PCDHGA2: variants seen among roughly 807,000 people sequenced by gnomAD.
PCDHGA2 encodes protocadherin gamma-A2.
PCDHGA2 carries 40 observed loss-of-function variants against 59.2 expected under a neutral mutation model. The observed-to-expected ratio is 0.68, with a 90% CI of 0.52 to 0.88. PCDHGA2 has a LOEUF of 0.88. PCDHGA2 is among the 40% of genes least tolerant of loss of function. The probability of loss-of-function intolerance (pLI) is 0.00; values close to 1 mark genes in which losing one functional copy is unlikely to be tolerated. For missense variants in PCDHGA2, 1,226 were observed against 1,204.0 expected, an observed-to-expected ratio of 1.02 and a Z score of -0.27; for synonymous variants, 560 against 526.0, an observed-to-expected ratio of 1.06 and a Z score of -0.89.
rs17097211 is a variant in PCDHGA2 at position 141,423,498 on chromosome 5, G to A, written c.2425-71309G>A. 9.4e-4 allele frequency: 1,510 copies of A among 1,613,948 alleles called. 9 individuals are homozygous for A. In the African/African-American group the frequency reaches 0.016, roughly 17 times the overall value. ...CTTTCCTGCAAACCTATTCCCACGA[G>A]GTCTCTCTCATTGCGGACTCGCAGA... On this transcript the variant is annotated intron_variant, in intron 1 of 3. Transcript: ENST00000394576.
chr5:141,430,881 A>G, intron 1 of PCDHGA2: 4 of 1,600,896 alleles, frequency 2.5e-6, no homozygotes, highest in Non-Finnish European at 3.4e-6. Flanking sequence ...GAGCTGGAGA[A>G]AGGCTCTAGG....
At chr5:141,414,242 T>C (rs1412230684) in intron 1 of PCDHGA2, 1 of 1,613,538 alleles carries the variant, frequency 6.2e-7, no homozygotes, top group Admixed American at 1.7e-5. Flanking sequence ...ATCACGTCTC[T>C]ATTTAGTCCA....
chr5:141,370,467 T>C lies in PCDHGA2; in HGVS notation c.2424+29072T>C, dbSNP rs563836197. 3.3e-5 allele frequency: 53 copies of C among 1,613,232 alleles called. 2 individuals are homozygous for C. In the South Asian group the frequency reaches 4.4e-4, roughly 13 times the overall value. On this transcript the variant is annotated intron_variant, in intron 1 of 3. Transcript: ENST00000394576. ...GCTATTTCTCTTCCTGCTCTCTTTG[T>C]TAGACCAGGCTCTCTCCGAACCGAT...
chr5:141,373,678 A>G (rs4151698), intron 1 of PCDHGA2, among the ~76,000 whole-genome samples: 17,665 of 152,222 alleles, frequency 0.12, 1,184 homozygotes, highest in African/African-American at 0.18. Flanking sequence ...TGAATGGTAA[A>G]CTTCAGAGAA....
intron 2 of PCDHGA2, among the ~76,000 whole-genome samples, chr5:141,495,296 T>TCCTCCAGAG (rs998633800): frequency 1.3e-5 from 2 of 152,054 alleles, no homozygotes; most frequent in Non-Finnish European, 2.9e-5. Flanking sequence ...ACTCAGCGCC[T>TCCTCCAGAG]CCTCCAGAGC....
intron 1 of PCDHGA2, among the ~76,000 whole-genome samples, chr5:141,443,560 G>A (rs2098394386): frequency 6.6e-6 from 1 of 152,162 alleles, no homozygotes; most frequent in Non-Finnish European, 1.5e-5. Context: ...CAATTCAAAT[G>A]CTTTAAATGG....
Position 141,399,593 on chromosome 5 carries a change from C to A in PCDHGA2, c.2424+58198C>A, listed in dbSNP as rs201515317. 170 of 1,613,988 alleles carry A rather than the reference C, an allele frequency of 1.1e-4. 1 individual carries two copies. The African/African-American group carries it at 1.5e-3, about 14-fold the overall frequency. On this transcript the variant is annotated intron_variant, in intron 1 of 3. Coordinates refer to ENST00000394576, the MANE Select transcript of PCDHGA2 (RefSeq NM_018915.4). Reference sequence around the variant, plus strand: ...GGCCAAGTCTCCTACTCTATCATGGCCAGCGACCTAGAGCCTCTGGCACTG... The same window carrying A: ...GGCCAAGTCTCCTACTCTATCATGGACAGCGACCTAGAGCCTCTGGCACTG...
intron 1 of PCDHGA2, chr5:141,341,652 A>G (rs1277993862): frequency 4.4e-6 from 3 of 676,578 alleles, no homozygotes; most frequent in Non-Finnish European, 7.2e-6. Context: ...CTGCATTAGG[A>G]ACTAGGGTGT....
At chr5:141,463,532 T>G (rs1237301892) in intron 1 of PCDHGA2, among the ~76,000 whole-genome samples, 1 of 133,692 alleles carries the variant, frequency 7.5e-6, no homozygotes, top group African/African-American at 2.8e-5. Flanking sequence ...TACTAGAAAC[T>G]CCGGCTCCCG....
chr5:141,448,211 T>TA (rs2098575794), intron 1 of PCDHGA2, among the ~76,000 whole-genome samples: 1 of 152,212 alleles, frequency 6.6e-6, no homozygotes, highest in East Asian at 1.9e-4. Flanking sequence ...TTTCTGTGTG[T>TA]ATGCGAATGT....
At chr5:141,392,925 G>A (rs1230996735) in intron 1 of PCDHGA2, 22 of 1,613,946 alleles carry the variant, frequency 1.4e-5, no homozygotes, top group Non-Finnish European at 1.9e-5. Flanking sequence ...TGTGCCAGAA[G>A]AGACGGACAA....
chr5:141,492,106 C>T (rs1265796740), intron 1 of PCDHGA2, among the ~76,000 whole-genome samples: 2 of 152,238 alleles, frequency 1.3e-5, no homozygotes, highest in South Asian at 2.1e-4. Flanking sequence ...TGTAGATTTC[C>T]TCTTCGATTT....
intron 1 of PCDHGA2, among the ~76,000 whole-genome samples, chr5:141,454,261 A>T (rs183133499): frequency 1.3e-5 from 2 of 152,364 alleles, no homozygotes; most frequent in South Asian, 2.1e-4. Flanking sequence ...CAGAGAAAGT[A>T]ATGCCAGCAA....
In PCDHGA2 at chr5:141,383,648, C is replaced by T. The variant is rs781494472; in HGVS notation, c.2424+42253C>T. 2.5e-6 allele frequency: 4 copies of T among 1,614,034 alleles called. No individual in the cohort carries two copies. The Admixed American group carries it at 6.7e-5, about 27-fold the overall frequency. On this transcript the variant is annotated intron_variant, in intron 1 of 3. Transcript: ENST00000394576. Reference sequence around the variant, plus strand: ...TTCTCTCTGCCTCAGTACCAAGTAACTGTCCCCGAGAATGTGCCAGTGGGT... The same window carrying T: ...TTCTCTCTGCCTCAGTACCAAGTAATTGTCCCCGAGAATGTGCCAGTGGGT...
chr5:141,400,507 A>G (rs1158150708), intron 1 of PCDHGA2: 1 of 1,613,864 alleles, frequency 6.2e-7, no homozygotes, highest in Non-Finnish European at 8.5e-7. Context: ...CAGCGAGTCG[A>G]CTTCCCATCC....
rs760509503 is a variant in PCDHGA2 at position 141,432,756 on chromosome 5, A to T, written c.2425-62051A>T. The T allele has an allele frequency of 5.6e-6, 9 of 1,613,958 alleles. No homozygotes were observed. Among genetic ancestry groups the T allele is most frequent in the Non-Finnish European group, 7.6e-6 (9 of 1,179,994 alleles). On this transcript the variant is annotated intron_variant, in intron 1 of 3. Transcript: ENST00000394576. This position sits in a 1 kb window ranked among gnomAD's most constrained non-coding sequence, Gnocchi z 6.0. ...GTCACGCTCACCGTGGCCGTGGCCG[A>T]CAGCATCCCCCAAGTCCTGGCGGAC...
At chr5:141,371,875 G>A in intron 1 of PCDHGA2, 1 of 1,613,506 alleles carries the variant, frequency 6.2e-7, no homozygotes, top group Non-Finnish European at 8.5e-7. Flanking sequence ...ATCGTGGCCA[G>A]TGACCTGGAG....
chr5:141,442,457 T>G (rs1209684998), intron 1 of PCDHGA2: 1 of 152,268 alleles, frequency 6.6e-6, no homozygotes, highest in African/African-American at 2.4e-5. Context: ...AATAGCAGTT[T>G]CACTGCAGAA....
At chr5:141,500,182 A>ATTT (rs1199992745) in intron 2 of PCDHGA2, among the ~76,000 whole-genome samples, 1 of 131,622 alleles carries the variant, frequency 7.6e-6, no homozygotes, top group African/African-American at 3.1e-5. Context: ...CTTCATTTTT[A>ATTT]TTTTTATTTA....
Sources: allele counts gnomAD v4.1 joint callset (sites outside exome capture counted in the v4.1 genomes callset), GRCh38; gene constraint gnomAD v4.1.1; non-coding constraint Gnocchi (gnomAD v3.1); transcripts MANE v1.5; gene names NCBI Gene and HGNC (gene_info 2026-07-23, HGNC 2026-07-21).